The following MMP26 variants were observed in gnomAD, a reference collection of about 807,000 sequenced individuals.
MMP26 encodes matrix metalloproteinase-26.
MMP26 carries 33 observed loss-of-function variants against 31.0 expected under a neutral mutation model. The observed-to-expected ratio is 1.06, with a 90% CI of 0.81 to 1.42. MMP26 has a LOEUF of 1.42. Among genes scored for constraint, MMP26 ranks in the 40% most tolerant of loss-of-function variants. MMP26 has a pLI of 0.00. For synonymous variants in MMP26, 122 were observed against 114.9 expected, an observed-to-expected ratio of 1.06 and a Z score of -0.40; for missense variants, 347 against 316.1, an observed-to-expected ratio of 1.10 and a Z score of -0.74.
intron 2 of MMP26, chr11:4,944,538 T>A (rs1846265434): frequency 6.6e-6 from 1 of 152,436 alleles, no homozygotes; most frequent in South Asian, 2.1e-4. Flanking sequence ...GTGGGCTGAT[T>A]ATTATTTTTT....
At chr11:4,876,831 C>CTCAATACCATGGTCAGTGTTCACTG (rs1324389813) in intron 2 of MMP26, 1 of 152,992 alleles carries the variant, frequency 6.5e-6, no homozygotes, top group African/African-American at 2.4e-5. Context: ...GTTCAACTGG[C>CTCAATACCATGGTCAGTGTTCACTG]GTTCAATAAC....
At chr11:4,909,309 T>C (rs1850954936) in intron 2 of MMP26, 1 of 152,086 alleles carries the variant, frequency 6.6e-6, no homozygotes, top group African/African-American at 2.4e-5. Context: ...GAAAATACAA[T>C]TTGAAGGGGG....
intron 1 of MMP26, among the ~76,000 whole-genome samples, chr11:4,731,965 C>A (rs1185559172): frequency 6.6e-6 from 1 of 152,112 alleles, no homozygotes; most frequent in African/African-American, 2.4e-5. Flanking sequence ...CTGGATGTTG[C>A]CAGTGAGTTG....
At chr11:4,867,918 T>C (rs1247339825) in intron 2 of MMP26, among the ~76,000 whole-genome samples, 2 of 152,098 alleles carry the variant, frequency 1.3e-5, no homozygotes, top group East Asian at 3.9e-4. Flanking sequence ...ATAAAAATTG[T>C]TCTATTGTAA....
intron 1 of MMP26, among the ~76,000 whole-genome samples, chr11:4,734,007 G>A (rs1001422765): frequency 1.3e-5 from 2 of 151,726 alleles, no homozygotes; most frequent in African/African-American, 2.4e-5. Flanking sequence ...TTGCATTCTT[G>A]GAATAAATTT....
chr11:4,895,662 G>A (rs1005322773), intron 2 of MMP26, among the ~76,000 whole-genome samples: 1 of 152,212 alleles, frequency 6.6e-6, no homozygotes, highest in African/African-American at 2.4e-5. Context: ...AGTGGCTCAT[G>A]CCTGTAATCC....
intron 2 of MMP26, among the ~76,000 whole-genome samples, chr11:4,886,566 G>A (rs1446834447): frequency 2.0e-5 from 3 of 151,606 alleles, no homozygotes; most frequent in African/African-American, 4.8e-5. Flanking sequence ...ATAAATACAT[G>A]TACTGCTGTT....
At chr11:4,889,465 A>G (rs1405776503) in intron 2 of MMP26, 3 of 152,180 alleles carry the variant, frequency 2.0e-5, no homozygotes, top group African/African-American at 4.8e-5. Flanking sequence ...TGTGAAACCT[A>G]TGGGTAAGAA....
At chr11:4,878,549 T>C (rs1850416263) in intron 2 of MMP26, among the ~76,000 whole-genome samples, 1 of 152,138 alleles carries the variant, frequency 6.6e-6, no homozygotes, top group African/African-American at 2.4e-5. Context: ...CAGAGGGCTT[T>C]TCTGACTTGT....
At chr11:4,836,592 T>A (rs1318221968) in intron 2 of MMP26, among the ~76,000 whole-genome samples, 1 of 150,698 alleles carries the variant, frequency 6.6e-6, no homozygotes, top group African/African-American at 2.4e-5. Context: ...AAAACTATTG[T>A]AACAATTTTA....
At chr11:4,945,668 C>T (rs1251764224) in intron 2 of MMP26, 1 of 180,344 alleles carries the variant, frequency 5.5e-6, no homozygotes, top group Non-Finnish European at 1.2e-5. Flanking sequence ...CTATTGGGTA[C>T]TATGCTCACT....
rs559036550 is a variant in MMP26, at chr11:4,778,486, G to T, written c.-145+11145G>T. 3.3e-5 allele frequency among the ~76,000 whole-genome samples: 5 copies of T among 152,108 alleles called. No individual in the cohort carries two copies. The South Asian group carries it at 6.2e-4, about 19-fold the overall frequency. On this transcript the variant is annotated intron_variant, in intron 2 of 7. Transcript: ENST00000380390. Reference sequence around the variant, plus strand: ...CTAGATTTCCTGGTGTGTCCCATTTGCCTATGTGTCTTTCCTTGCACCAAT... The same window carrying T: ...CTAGATTTCCTGGTGTGTCCCATTTTCCTATGTGTCTTTCCTTGCACCAAT...
At position 4,991,483 on chromosome 11, in the gene MMP26, A is replaced by G. The variant is rs1847002151; in HGVS notation, c.582A>G (p.Ser194=). 6.2e-7 allele frequency: 1 copy of G among 1,613,756 alleles called. No individual in the cohort carries two copies. The highest frequency in any genetic ancestry group is 8.5e-7 in the Non-Finnish European group (1 of 1,179,720). ...ATTTTGACAAGAATGAACACTGGTC[A>G]GCTTCAGACACTGGTAAATGCCTTG... is the stretch of plus-strand genomic sequence containing the variant. ...VVHFDKNEHW[S]ASDTGYNLFL... is the part of the protein sequence containing the mutation. The change falls in exon 6 of 8, where the codon TCA becomes TCG. Residue 194 remains serine (S), a synonymous_variant. Transcript: ENST00000380390.
intron 2 of MMP26, among the ~76,000 whole-genome samples, chr11:4,918,919 G>C (rs1033312885): frequency 6.6e-6 from 1 of 152,178 alleles, no homozygotes; most frequent in African/African-American, 2.4e-5. Context: ...CTACTAACTT[G>C]TGTCTGAGAC....
chr11:4,727,564 G>A (rs4506643), intron 1 of MMP26, among the ~76,000 whole-genome samples: 7 of 151,722 alleles, frequency 4.6e-5, no homozygotes, highest in Non-Finnish European at 1.0e-4. Flanking sequence ...TATCCCAGCA[G>A]TTTGGAAGGC....
intron 1 of MMP26, chr11:4,752,754 A>G (rs1196969578): frequency 6.6e-6 from 1 of 152,464 alleles, no homozygotes. Flanking sequence ...CAGTGTAGAA[A>G]TACGTAAGCC....
intron 2 of MMP26, among the ~76,000 whole-genome samples, chr11:4,905,086 A>G (rs1034500846): frequency 1.3e-5 from 2 of 152,180 alleles, no homozygotes; most frequent in African/African-American, 4.8e-5. Context: ...ATAAAAAGGA[A>G]TAAGAGTTAA....
At chr11:4,742,199 C>G (rs540142513) in intron 1 of MMP26, among the ~76,000 whole-genome samples, 22 of 152,238 alleles carry the variant, frequency 1.4e-4, no homozygotes, top group African/African-American at 4.8e-4. Context: ...CTACTGTGGA[C>G]AAGGCATAGG....
intron 1 of MMP26, among the ~76,000 whole-genome samples, chr11:4,730,146 C>T (rs1443405548): frequency 6.6e-6 from 1 of 152,116 alleles, no homozygotes; most frequent in Non-Finnish European, 1.5e-5. Flanking sequence ...ATTGGTCTTT[C>T]CCTTATTGGG....
Sources: allele counts gnomAD v4.1 joint callset (sites outside exome capture counted in the v4.1 genomes callset), GRCh38; gene constraint gnomAD v4.1.1; transcripts MANE v1.5; gene names NCBI Gene and HGNC (gene_info 2026-07-23, HGNC 2026-07-21).